The following CFAP54 variants were observed in gnomAD, a reference collection of about 807,000 sequenced individuals.
CFAP54 encodes the protein cilia- and flagella-associated protein 54.
Under a neutral mutation model 370.4 loss-of-function variants are expected in CFAP54, and 290 were observed. The observed-to-expected ratio is 0.78, with a 90% CI of 0.71 to 0.86. CFAP54 has a LOEUF of 0.86. CFAP54 is among the 40% of genes least tolerant of loss of function. The pLI, the probability that CFAP54 is intolerant of heterozygous loss-of-function variation, is 0.00. For missense variants in CFAP54, 3,399 were observed against 3,528.7 expected, an observed-to-expected ratio of 0.96 and a Z score of 0.93; for synonymous variants, 1,206 against 1,236.5, an observed-to-expected ratio of 0.98 and a Z score of 0.52.
Position 96,757,549 on chromosome 12 carries a change from G to C in CFAP54, c.8001G>C (p.Lys2667Asn). The C allele has an allele frequency of 6.3e-7, 1 of 1,599,084 alleles. No individual in the cohort carries two copies. The highest frequency in any genetic ancestry group is 1.3e-5 in the African/African-American group (1 of 74,792). ...EMALLYFHLK[K>N]PKIKISGSPL... ...CTCTATTGTATTTTCATCTGAAGAA[G>C]CCAAAGATAAAAATTTCAGGATCAC... Residue 2667 changes from lysine to asparagine, a missense_variant, in exon 58 of 68, where the codon AAG becomes AAC. This residue lies in a region of CFAP54 where 2,796 missense variants were observed against 2,869.7 expected (regional missense o/e 0.97). Transcript: ENST00000524981.
At chr12:96,767,025 C>T (rs1958408173) in intron 60 of CFAP54, among the ~76,000 whole-genome samples, 1 of 152,134 alleles carries the variant, frequency 6.6e-6, no homozygotes, top group South Asian at 2.1e-4. Context: ...ATGGTAGATA[C>T]CAGAGCAAAA....
At chr12:96,506,166 C>G (rs528354867) in intron 3 of CFAP54, among the ~76,000 whole-genome samples, 1 of 151,878 alleles carries the variant, frequency 6.6e-6, no homozygotes, top group South Asian at 2.1e-4. Context: ...GGTGAAACCC[C>G]GTCTCTACTA....
chr12:96,835,891 A>T (rs1030982373), intron 66 of CFAP54, among the ~76,000 whole-genome samples: 9 of 152,086 alleles, frequency 5.9e-5, no homozygotes, highest in Non-Finnish European at 1.5e-5. Flanking sequence ...GTGGTAGGCG[A>T]TCTGGAGTGG....
intron 50 of CFAP54, among the ~76,000 whole-genome samples, chr12:96,730,553 A>T (rs1957909136): frequency 6.6e-6 from 1 of 152,244 alleles, no homozygotes; most frequent in South Asian, 2.1e-4. Flanking sequence ...TCTATAAATG[A>T]AACAATATAG....
At chr12:96,507,126 AT>A (rs1955111023) in intron 4 of CFAP54, 27 bp downstream of exon 4, 1 of 1,440,022 alleles carries the variant, frequency 6.9e-7, no homozygotes. Context: ...TTTATTTTCC[AT>A]TGTGTCTTTC....
rs1957573530 is a variant in CFAP54 at position 96,708,737 on chromosome 12, G to A, written c.6658G>A (p.Val2220Ile). 6.2e-7 allele frequency: 1 copy of A among 1,611,938 alleles called. No homozygotes were observed. The highest frequency in any genetic ancestry group is 1.3e-5 in the African/African-American group (1 of 74,824). Residue 2220 changes from valine (V) to isoleucine (I), a missense_variant, in exon 48 of 68, where the codon GTC (valine) becomes ATC (isoleucine). Val to Ile is a conservative substitution (Grantham distance 29). Transcript: ENST00000524981. ...AAGTGTGGCTGCGACAATAAATTGT[G>A]TCCCAGAAAATAAATTTAAGACAGT... ...FLSVAATINC[V>I]PENKFKTVIT...
chr12:96,784,762 A>T lies in CFAP54; in HGVS notation c.8327A>T (p.Gln2776Leu). ...CAGACTTCCTGTACATTTTTGTACCAAAATGATGATGTGTGTGACAGCGCA... is the reference window on the plus strand; with the variant it reads ...CAGACTTCCTGTACATTTTTGTACCTAAATGATGATGTGTGTGACAGCGCA... The part of the protein sequence containing the change: ...LFQTSCTFLY[Q>L]NDDVCDSADG... The change falls in exon 61 of 68, where the codon CAA becomes CTA. Residue 2776 changes from glutamine (Q) to leucine (L), a missense_variant. Gln to Leu is a moderately radical substitution (Grantham distance 113). Coordinates refer to ENST00000524981, the MANE Select transcript of CFAP54 (RefSeq NM_001306084.2). 6.5e-7 allele frequency: 1 copy of T among 1,530,066 alleles called. No homozygotes were observed. Among genetic ancestry groups the T allele is most frequent in the Non-Finnish European group, 8.7e-7 (1 of 1,144,178 alleles). The allele number at this position is 1,530,066 out of a possible 1,614,324, so 94.8% of individuals were successfully genotyped here.
At chr12:96,730,270 A>G (rs971028344) in intron 50 of CFAP54, among the ~76,000 whole-genome samples, 7 of 152,212 alleles carry the variant, frequency 4.6e-5, no homozygotes, top group Non-Finnish European at 7.3e-5. Context: ...GCTGGAGCAG[A>G]GGCATACCCT....
At chr12:96,508,126 C>CTTTTTTTT (rs398020728) in intron 4 of CFAP54, among the ~76,000 whole-genome samples, 3 of 112,230 alleles carry the variant, frequency 2.7e-5, no homozygotes, top group Non-Finnish European at 5.1e-5. Flanking sequence ...CAAACATAGT[C>CTTTTTTTT]TTTTTTTTTT....
intron 66 of CFAP54, 137 bp from the exon 67 acceptor site, chr12:96,860,682 C>T (rs907688381): frequency 3.2e-5 from 25 of 793,268 alleles, no homozygotes; most frequent in Non-Finnish European, 4.0e-5. Flanking sequence ...AGGTATGAAA[C>T]TTTGTGCCTT....
At chr12:96,842,662 G>A (rs1014292686) in intron 66 of CFAP54, among the ~76,000 whole-genome samples, 4 of 152,122 alleles carry the variant, frequency 2.6e-5, no homozygotes, top group African/African-American at 9.7e-5. Context: ...AGCCCAAAGT[G>A]CTTTGTGCGG....
chr12:96,684,849 A>G, intron 41 of CFAP54, 114 bp downstream of exon 41: 1 of 977,358 alleles, frequency 1.0e-6, no homozygotes, highest in Non-Finnish European at 1.5e-6. Context: ...CAACAATACT[A>G]CATTGCTACA....
intron 66 of CFAP54, among the ~76,000 whole-genome samples, chr12:96,831,106 T>C (rs773613489): frequency 2.6e-5 from 4 of 152,214 alleles, no homozygotes; most frequent in Non-Finnish European, 5.9e-5. Flanking sequence ...CATTCGTGTT[T>C]CTCCTTTAGC....
chr12:96,825,655 A>C (rs1464423239), intron 65 of CFAP54, among the ~76,000 whole-genome samples: 2 of 121,794 alleles, frequency 1.6e-5, no homozygotes, highest in African/African-American at 6.6e-5. Context: ...TATATTATAT[A>C]TATCATGCTA....
Position 96,507,109 on chromosome 12 carries a change from G to T in CFAP54, c.739+10G>T. The T allele has an allele frequency of 6.7e-7, 1 of 1,481,716 alleles. No individual in the cohort carries two copies. The allele number at this position is 1,481,716 out of a possible 1,614,324, so 91.8% of individuals were successfully genotyped here. ...TGGATTATCTTCAATGGTATATGCT[G>T]ATGTATTTTATTTTCCATTGTGTCT... is the stretch of plus-strand genomic sequence containing the variant. On this transcript the variant is annotated intron_variant, in intron 4 of 67. Coordinates refer to ENST00000524981, the MANE Select transcript of CFAP54 (RefSeq NM_001306084.2).
At chr12:96,597,317 A>G (rs1417601258) in intron 25 of CFAP54, among the ~76,000 whole-genome samples, 1 of 151,972 alleles carries the variant, frequency 6.6e-6, no homozygotes, top group Admixed American at 6.6e-5. Flanking sequence ...TGAGGAACCT[A>G]CTGGGACACA....
intron 41 of CFAP54, 61 bp downstream of exon 41, chr12:96,684,796 G>A: frequency 7.3e-7 from 1 of 1,369,708 alleles, no homozygotes; most frequent in Non-Finnish European, 1.0e-6. Context: ...GTTTGAAGAA[G>A]TTTTTAATGA....
intron 1 of CFAP54, among the ~76,000 whole-genome samples, chr12:96,495,652 A>G (rs1458622186): frequency 6.6e-6 from 1 of 151,948 alleles, no homozygotes; most frequent in Non-Finnish European, 1.5e-5. Context: ...TTACATATCT[A>G]GCAACAGTCA....
chr12:96,717,747 T>TAAG (rs1957701564), intron 48 of CFAP54, among the ~76,000 whole-genome samples: 1 of 152,222 alleles, frequency 6.6e-6, no homozygotes. Context: ...TCAGCAGAAC[T>TAAG]GATGCTTCCA....
Sources: allele counts gnomAD v4.1 joint callset (sites outside exome capture counted in the v4.1 genomes callset), GRCh38; gene constraint gnomAD v4.1.1; regional missense constraint gnomAD v4.1.1; transcripts MANE v1.5; gene names NCBI Gene and HGNC (gene_info 2026-07-23, HGNC 2026-07-21).